Variants in MTPN observed in about 807,000 individuals in gnomAD.
The protein encoded by MTPN is granule cell differentiation protein.
A neutral mutation model predicts 13.5 loss-of-function variants in MTPN; 2 were observed. The observed-to-expected ratio is 0.15, with a 90% CI of 0.06 to 0.47. MTPN has a LOEUF of 0.47. MTPN is among the 20% of genes least tolerant of loss of function. The pLI is 0.97. For synonymous variants in MTPN, 46 were observed against 51.7 expected (o/e 0.89, Z 0.48); for missense variants, 79 against 137.9 (o/e 0.57, Z 2.14).
chr7:135,973,115 G>C (rs1799720466), intron 1 of MTPN, among the ~76,000 whole-genome samples: 1 of 150,670 alleles, frequency 6.6e-6, no homozygotes, highest in South Asian at 2.1e-4. Flanking sequence ...TTTAAGGGCA[G>C]TGCAGGAGAC....
chr7:135,974,499 G>A (rs572397727), intron 1 of MTPN, among the ~76,000 whole-genome samples: 24 of 152,026 alleles, frequency 1.6e-4, no homozygotes, highest in Non-Finnish European at 2.5e-4. Flanking sequence ...ACAAAGCAAA[G>A]ACCCTGTCTC....
intron 1 of MTPN, among the ~76,000 whole-genome samples, chr7:135,972,255 ACACACC>A (rs756523868): frequency 0.11 from 15,181 of 135,806 alleles, 868 homozygotes; most frequent in East Asian, 0.17. Flanking sequence ...ACACACACAC[ACACACC>A]CCATGTAGAT....
chr7:135,939,295 C>A (rs772542148), intron 3 of MTPN, among the ~76,000 whole-genome samples: 2 of 152,086 alleles, frequency 1.3e-5, no homozygotes, highest in Non-Finnish European at 2.9e-5. Flanking sequence ...CTCTGTGAAG[C>A]CTGCTGGGAT....
At chr7:135,969,897 C>T (rs1249862177) in intron 1 of MTPN, among the ~76,000 whole-genome samples, 1 of 152,140 alleles carries the variant, frequency 6.6e-6, no homozygotes, top group Admixed American at 6.6e-5. Context: ...CATTTTTCAC[C>T]TATCCAAATG....
chr7:135,933,420 C>T (rs1799058097), intron 3 of MTPN, among the ~76,000 whole-genome samples: 1 of 152,074 alleles, frequency 6.6e-6, no homozygotes, highest in Non-Finnish European at 1.5e-5. Flanking sequence ...TCCATCAATT[C>T]TCATGAAGTA....
intron 3 of MTPN, among the ~76,000 whole-genome samples, chr7:135,949,438 T>A (rs533786028): frequency 2.0e-5 from 3 of 152,314 alleles, no homozygotes; most frequent in Admixed American, 2.0e-4. Context: ...TATTTCCATT[T>A]ATTTTGGCTT....
chr7:135,975,881 C>T (rs1446984343), intron 1 of MTPN, among the ~76,000 whole-genome samples: 1 of 152,206 alleles, frequency 6.6e-6, no homozygotes, highest in East Asian at 1.9e-4. Flanking sequence ...AAACCTTCAG[C>T]AGTTTGCCTT....
chr7:135,942,078 GGGGTTT>G (rs1297511591), intron 3 of MTPN, among the ~76,000 whole-genome samples: 2 of 151,686 alleles, frequency 1.3e-5, no homozygotes, highest in Admixed American at 1.3e-4. Context: ...TAGTAGAGAT[GGGGTTT>G]AACCATGTTG....
intron 3 of MTPN, among the ~76,000 whole-genome samples, chr7:135,942,013 A>G (rs903359848): frequency 6.6e-6 from 1 of 151,466 alleles, no homozygotes; most frequent in East Asian, 1.9e-4. Context: ...CCTCCTGAGT[A>G]GCTGAGATAA....
intron 1 of MTPN, among the ~76,000 whole-genome samples, chr7:135,960,539 T>C (rs1320232471): frequency 6.6e-6 from 1 of 151,690 alleles, no homozygotes. Flanking sequence ...AAAGGATAGG[T>C]AACAAAGAAA....
intron 1 of MTPN, among the ~76,000 whole-genome samples, chr7:135,968,531 G>C (rs529592248): frequency 3.3e-5 from 5 of 152,074 alleles, no homozygotes; most frequent in African/African-American, 1.2e-4. Flanking sequence ...TTATTACAAG[G>C]TGGCCTGTGA....
At chr7:135,961,018 C>A (rs1170817765) in intron 1 of MTPN, among the ~76,000 whole-genome samples, 1 of 151,994 alleles carries the variant, frequency 6.6e-6, no homozygotes, top group East Asian at 1.9e-4. Flanking sequence ...GAAATTAAAA[C>A]TGCAATTGCA....
At chr7:135,935,766 A>AC (rs1370040809) in intron 3 of MTPN, among the ~76,000 whole-genome samples, 1 of 152,172 alleles carries the variant, frequency 6.6e-6, no homozygotes, top group Non-Finnish European at 1.5e-5. Context: ...TACGCCAAAC[A>AC]ACGTACTGTA....
At chr7:135,938,986 C>T (rs1015284496) in intron 3 of MTPN, among the ~76,000 whole-genome samples, 1 of 151,910 alleles carries the variant, frequency 6.6e-6, no homozygotes, top group Non-Finnish European at 1.5e-5. Flanking sequence ...CTTTTTTTCC[C>T]CCCACAGTAC....
intron 1 of MTPN, among the ~76,000 whole-genome samples, chr7:135,973,112 G>A (rs763284994): frequency 6.6e-6 from 1 of 150,526 alleles, no homozygotes; most frequent in African/African-American, 2.4e-5. Context: ...TATTTTAAGG[G>A]CAGTGCAGGA....
intron 1 of MTPN, among the ~76,000 whole-genome samples, chr7:135,967,579 A>T (rs994076575): frequency 3.3e-5 from 5 of 152,160 alleles, no homozygotes; most frequent in Non-Finnish European, 4.4e-5. Context: ...ATTTTTCCTT[A>T]TCTATAAAAT....
At chr7:135,944,628 C>G (rs1293232246) in intron 3 of MTPN, among the ~76,000 whole-genome samples, 1 of 151,912 alleles carries the variant, frequency 6.6e-6, no homozygotes, top group Non-Finnish European at 1.5e-5. Flanking sequence ...GCCTGGGGGA[C>G]AGAGGGAGAC....
intron 1 of MTPN, among the ~76,000 whole-genome samples, chr7:135,972,229 GCGCA>G (rs957605326): frequency 2.6e-5 from 3 of 117,364 alleles, no homozygotes; most frequent in East Asian, 2.5e-4. Context: ...GCGCACGCGC[GCGCA>G]CACACACACA....
chr7:135,958,310 T>C (rs1442313206), intron 1 of MTPN, among the ~76,000 whole-genome samples: 1 of 152,228 alleles, frequency 6.6e-6, no homozygotes, highest in African/African-American at 2.4e-5. Context: ...GACTTGTGCA[T>C]AGCAGTCTTA....
Sources: gnomAD v4.1 joint callset for allele counts (sites outside exome capture counted in the v4.1 genomes callset) on GRCh38, gnomAD v4.1.1 for gene constraint, MANE v1.5 for transcripts, NCBI Gene and HGNC (gene_info 2026-07-23, HGNC 2026-07-21) for gene names.